CCSER1: variants seen among roughly 807,000 people sequenced by gnomAD.
CCSER1 encodes the protein coiled-coil serine rich protein 1.
In CCSER1, 41 loss-of-function variants were observed where a neutral mutation model predicts 82.0. The observed-to-expected ratio is 0.50, with a 90% CI of 0.39 to 0.65. CCSER1 has a LOEUF of 0.65. CCSER1 is among the 30% of genes least tolerant of loss of function. The pLI, the probability that CCSER1 is intolerant of heterozygous loss-of-function variation, is 0.00. For synonymous variants in CCSER1, 414 were observed against 383.9 expected, an observed-to-expected ratio of 1.08 and a Z score of -0.92; for missense variants, 1,119 against 1,064.2, an observed-to-expected ratio of 1.05 and a Z score of -0.72.
intron 10 of CCSER1, among the ~76,000 whole-genome samples, chr4:91,503,285 T>A (rs1290798119): frequency 1.4e-5 from 2 of 147,548 alleles, no homozygotes; most frequent in African/African-American, 5.0e-5. Context: ...GAGCTTGCAG[T>A]GAGCCAAGAT....
chr4:90,357,491 G>A (rs148606006), intron 3 of CCSER1, among the ~76,000 whole-genome samples: 258 of 152,040 alleles, frequency 1.7e-3, no homozygotes, highest in African/African-American at 6.0e-3. Flanking sequence ...GAACCAAATG[G>A]AACATAGTAA....
chr4:90,785,487 TAATC>T (rs1364142408), intron 7 of CCSER1, among the ~76,000 whole-genome samples: 5 of 152,216 alleles, frequency 3.3e-5, no homozygotes, highest in Non-Finnish European at 7.3e-5. Flanking sequence ...TTTACATTGA[TAATC>T]AAAGTGAATA....
chr4:90,921,653 C>T lies in CCSER1; in HGVS notation c.2095-1717C>T, dbSNP rs138596066. 3.9e-3 allele frequency among the ~76,000 whole-genome samples: 594 copies of T among 152,076 alleles called. 2 individuals are homozygous for T. The highest frequency in any genetic ancestry group is 6.5e-3 in the Admixed American group (99 of 15,240). On this transcript the variant is annotated intron_variant, in intron 8 of 10. Coordinates refer to ENST00000509176, the MANE Select transcript of CCSER1 (RefSeq NM_001145065.2). ...GTTACCAACAATTTCCAACTCCTAT[C>T]CTCAGGATGAAAGCCCTTGAAATAG...
intron 10 of CCSER1, among the ~76,000 whole-genome samples, chr4:91,516,258 G>A (rs79858714): frequency 0.099 from 15,071 of 152,052 alleles, 818 homozygotes; most frequent in South Asian, 0.21. Flanking sequence ...ATTGCTTTTG[G>A]CATCTTTGTC....
chr4:91,560,094 C>T (rs765768716), intron 10 of CCSER1, among the ~76,000 whole-genome samples: 1 of 151,228 alleles, frequency 6.6e-6, no homozygotes, highest in Non-Finnish European at 1.5e-5. Flanking sequence ...GATACATATA[C>T]TCTAGTCACT....
intron 5 of CCSER1, among the ~76,000 whole-genome samples, chr4:90,577,445 T>C (rs1431791215): frequency 6.6e-6 from 1 of 152,150 alleles, no homozygotes; most frequent in Non-Finnish European, 1.5e-5. Context: ...TTTGCCACAG[T>C]AGTAGTTCCT....
chr4:90,561,125 A>G (rs576148835), intron 5 of CCSER1, among the ~76,000 whole-genome samples: 30 of 152,356 alleles, frequency 2.0e-4, no homozygotes, highest in African/African-American at 7.2e-4. Context: ...AAGATAATAC[A>G]CAGTTAATCT....
intron 5 of CCSER1, among the ~76,000 whole-genome samples, chr4:90,523,648 C>A (rs553480372): frequency 6.6e-6 from 1 of 152,146 alleles, no homozygotes; most frequent in Admixed American, 6.5e-5. Flanking sequence ...GATTTAAGAA[C>A]TTGAAGTTCC....
intron 9 of CCSER1, among the ~76,000 whole-genome samples, chr4:91,077,699 G>A (rs1000742333): frequency 6.6e-6 from 1 of 152,198 alleles, no homozygotes; most frequent in Non-Finnish European, 1.5e-5. Context: ...TCCTAGTAAA[G>A]GGAAGCCCTG....
At chr4:91,233,690 A>G (rs1273944266) in intron 10 of CCSER1, among the ~76,000 whole-genome samples, 1 of 151,970 alleles carries the variant, frequency 6.6e-6, no homozygotes, top group African/African-American at 2.4e-5. Context: ...TCTATCCTAC[A>G]AACTAAACAA....
intron 7 of CCSER1, among the ~76,000 whole-genome samples, chr4:90,810,134 T>C (rs1758058101): frequency 6.6e-6 from 1 of 152,050 alleles, no homozygotes; most frequent in African/African-American, 2.4e-5. Flanking sequence ...AGCATCTTCT[T>C]TTTTTCAAAT....
intron 10 of CCSER1, among the ~76,000 whole-genome samples, chr4:91,168,274 A>G (rs1440070337): frequency 2.3e-5 from 3 of 130,932 alleles, no homozygotes; most frequent in East Asian, 2.4e-4. Context: ...GGAAGTGAGG[A>G]GCGCCTCTGC....
At chr4:91,198,713 G>A (rs554553426) in intron 10 of CCSER1, among the ~76,000 whole-genome samples, 1 of 152,208 alleles carries the variant, frequency 6.6e-6, no homozygotes, top group Non-Finnish European at 1.5e-5. Flanking sequence ...TCAAAGTTTT[G>A]AGGACGTGGT....
chr4:90,395,208 G>A (rs968089603), intron 3 of CCSER1, among the ~76,000 whole-genome samples: 1 of 152,260 alleles, frequency 6.6e-6, no homozygotes. Context: ...TTCACTTAGT[G>A]TAATGTCCTC....
intron 10 of CCSER1, among the ~76,000 whole-genome samples, chr4:91,490,023 C>A (rs1231786908): frequency 1.3e-5 from 2 of 152,032 alleles, no homozygotes; most frequent in African/African-American, 4.8e-5. Flanking sequence ...CAGAGAATTG[C>A]AAATCAAAAG....
intron 1 of CCSER1, among the ~76,000 whole-genome samples, chr4:90,159,436 G>A (rs1729003438): frequency 6.6e-6 from 1 of 152,174 alleles, no homozygotes; most frequent in Non-Finnish European, 1.5e-5. Context: ...ATTCTGACAT[G>A]GGGAAGAGGA....
chr4:91,238,255 A>T (rs1446910875), intron 10 of CCSER1, among the ~76,000 whole-genome samples: 1 of 152,182 alleles, frequency 6.6e-6, no homozygotes, highest in Non-Finnish European at 1.5e-5. Flanking sequence ...AAGCATAAAA[A>T]GGTCCATGGA....
chr4:90,861,926 A>ATGTTT (rs1486179354), intron 8 of CCSER1, among the ~76,000 whole-genome samples: 1 of 125,684 alleles, frequency 8.0e-6, no homozygotes, highest in Non-Finnish European at 1.7e-5. Context: ...ATATATATAT[A>ATGTTT]TTTTTTTTTT....
intron 7 of CCSER1, among the ~76,000 whole-genome samples, chr4:90,811,910 T>TACAC (rs67215286): frequency 8.8e-6 from 1 of 113,112 alleles, no homozygotes; most frequent in Non-Finnish European, 2.0e-5. Context: ...AATATATATA[T>TACAC]ACACACACAC....
Sources: gnomAD v4.1 joint callset for allele counts (sites outside exome capture counted in the v4.1 genomes callset) on GRCh38, gnomAD v4.1.1 for gene constraint, MANE v1.5 for transcripts, NCBI Gene and HGNC (gene_info 2026-07-23, HGNC 2026-07-21) for gene names.